Variants in REEP5 observed in about 807,000 individuals in gnomAD.
The protein encoded by REEP5 is receptor expression-enhancing protein 5.
In REEP5, 24 loss-of-function variants were observed where a neutral mutation model predicts 22.4. The ratio of observed to expected loss-of-function variants is 1.07; its 90% CI spans 0.78 to 1.51. The LOEUF (loss-of-function observed/expected upper bound fraction) is 1.51, where lower values mean the gene tolerates loss of function less well. Ranked by LOEUF, REEP5 falls within the 40% of genes most tolerant of loss-of-function variation. REEP5 has a pLI of 0.00. For synonymous variants in REEP5, 103 were observed against 88.6 expected (o/e 1.16, Z -0.92); for missense variants, 252 against 233.0 (o/e 1.08, Z -0.53).
intron 2 of REEP5, among the ~76,000 whole-genome samples, chr5:112,908,672 C>CCCACGACAGCGCCCACGA (rs367700588): frequency 4.1e-4 from 62 of 151,964 alleles, no homozygotes; most frequent in African/African-American, 9.7e-4. Context: ...ACTACAGGTG[C>CCCACGACAGCGCCCACGA]CCACGACAGC....
chr5:112,885,769 G>C (rs578183603), intron 4 of REEP5: 138 of 259,958 alleles, frequency 5.3e-4, no homozygotes, highest in African/African-American at 3.0e-3. Flanking sequence ...CTACATATAT[G>C]CCAAGCCCGT....
chr5:112,909,696 C>G (rs1391415458), intron 2 of REEP5, among the ~76,000 whole-genome samples: 2 of 152,192 alleles, frequency 1.3e-5, no homozygotes, highest in African/African-American at 4.8e-5. Flanking sequence ...CTGGCCATCC[C>G]TCATCCAGTA....
intron 2 of REEP5, 66 bp from the exon 3 acceptor site, chr5:112,902,584 C>G: frequency 7.0e-7 from 1 of 1,422,158 alleles, no homozygotes; most frequent in Non-Finnish European, 9.5e-7. Context: ...TTCAAATACA[C>G]TTTCATAACC....
At chr5:112,883,633 T>C (rs1768143343) in intron 4 of REEP5, among the ~76,000 whole-genome samples, 1 of 152,216 alleles carries the variant, frequency 6.6e-6, no homozygotes, top group Non-Finnish European at 1.5e-5. Flanking sequence ...ATGTATAAGC[T>C]TGTGGCCCCC....
intron 3 of REEP5, chr5:112,892,738 G>T (rs560977214): frequency 1.9e-6 from 3 of 1,614,028 alleles, no homozygotes; most frequent in South Asian, 2.2e-5. Flanking sequence ...CAAGAACTCC[G>T]AGAGGAGGGA....
chr5:112,881,128 CAAAAAAAAAAA>C (rs58737941), intron 4 of REEP5, among the ~76,000 whole-genome samples: 2 of 67,204 alleles, frequency 3.0e-5, no homozygotes, highest in African/African-American at 6.1e-5. Flanking sequence ...GACTCTGTTT[CAAAAAAAAAAA>C]AAAAAAAAAA....
At chr5:112,904,824 G>A (rs1016665908) in intron 2 of REEP5, among the ~76,000 whole-genome samples, 6 of 151,852 alleles carry the variant, frequency 4.0e-5, no homozygotes, top group African/African-American at 1.4e-4. Context: ...AGCTCTTCTA[G>A]GAAAAAAAAA....
At chr5:112,916,464 C>A (rs934445222) in intron 2 of REEP5, among the ~76,000 whole-genome samples, 2 of 152,136 alleles carry the variant, frequency 1.3e-5, no homozygotes, top group African/African-American at 4.8e-5. Context: ...TAAGTCAAAG[C>A]TACATAACAG....
intron 4 of REEP5, among the ~76,000 whole-genome samples, chr5:112,881,101 C>T (rs1768061097): frequency 8.0e-6 from 1 of 125,268 alleles, no homozygotes; most frequent in Non-Finnish European, 1.6e-5. Context: ...TGCACTCCAG[C>T]CTGGGCAACA....
intron 2 of REEP5, among the ~76,000 whole-genome samples, chr5:112,915,770 T>C (rs577833811): frequency 6.6e-6 from 1 of 151,418 alleles, no homozygotes; most frequent in South Asian, 2.1e-4. Context: ...ACAAAGCACA[T>C]ATAGATCCAG....
intron 2 of REEP5, among the ~76,000 whole-genome samples, chr5:112,910,235 G>A (rs1057171606): frequency 2.6e-5 from 4 of 152,174 alleles, no homozygotes; most frequent in African/African-American, 9.7e-5. Flanking sequence ...CCCGGGAGGT[G>A]GAGCTGCAGT....
chr5:112,892,316 C>T lies in REEP5; in HGVS notation c.352-5133G>A, dbSNP rs759302583. 7.4e-6 allele frequency: 12 copies of T among 1,614,002 alleles called. No homozygotes were observed. The African/African-American group carries it at 1.5e-4, about 20-fold the overall frequency. ...CAGTGCAGGAGGGATGACTATGACC[C>T]TGACGCAAGCCTGGAGTACAGCGAG... On this transcript the variant is annotated intron_variant, in intron 3 of 4. Coordinates refer to ENST00000379638, the MANE Select transcript of REEP5 (RefSeq NM_005669.5).
At chr5:112,910,792 G>A (rs1769086444) in intron 2 of REEP5, among the ~76,000 whole-genome samples, 1 of 152,150 alleles carries the variant, frequency 6.6e-6, no homozygotes, top group Non-Finnish European at 1.5e-5. Context: ...AGCAGACACT[G>A]TTCCTTGCCT....
At chr5:112,916,056 C>A (rs1363420968) in intron 2 of REEP5, among the ~76,000 whole-genome samples, 1 of 152,180 alleles carries the variant, frequency 6.6e-6, no homozygotes, top group African/African-American at 2.4e-5. Context: ...CGGTGACTTT[C>A]TCAAAGTCTC....
chr5:112,897,161 A>G (rs1446113135), intron 3 of REEP5: 3 of 152,132 alleles, frequency 2.0e-5, no homozygotes, highest in African/African-American at 7.2e-5. Context: ...AGAATTATAT[A>G]TCATATGTGA....
At position 112,902,383 on chromosome 5, in the gene REEP5, C is replaced by G. The variant is rs757144463; in HGVS notation, c.348G>C (p.Leu116=). ...FLSWFPFYYM[L]KCGFLLWCMA... ...AGTGGTAGCAAGACCAACATACCTT[C>G]AGCATGTAGTAGAAGGGGAACCATG... Residue 116 remains leucine, a synonymous_variant, in exon 3 of 5, where the codon CTG becomes CTC. Coordinates refer to ENST00000379638, the MANE Select transcript of REEP5 (RefSeq NM_005669.5). 24 of 1,608,922 alleles carry G rather than the reference C, an allele frequency of 1.5e-5. No individual in the cohort carries two copies. The highest frequency in any genetic ancestry group is 1.9e-5 in the Non-Finnish European group (22 of 1,178,274).
intron 2 of REEP5, among the ~76,000 whole-genome samples, chr5:112,904,899 A>T (rs115345053): frequency 0.018 from 2,779 of 152,296 alleles, 45 homozygotes; most frequent in Non-Finnish European, 0.029. Flanking sequence ...CTAGAACACT[A>T]TATAGTAACA....
rs778248347 is a variant in REEP5, at chr5:112,887,010, C to CT, written c.520+4dup. On this transcript the variant is annotated splice_donor_region_variant and intron_variant, in intron 4 of 4. Coordinates refer to ENST00000379638, the MANE Select transcript of REEP5 (RefSeq NM_005669.5). The stretch of plus-strand genomic sequence containing the variant: ...ATGTGGGGCCATCTTGTTCCTGAGT[C>CT]TTACCTTCTTTAGTGATGGCATCTG... 1 of 1,594,878 alleles carries CT rather than the reference C, an allele frequency of 6.3e-7. No homozygotes were observed. Among genetic ancestry groups the CT allele is most frequent in the Non-Finnish European group, 8.6e-7 (1 of 1,165,150 alleles).
chr5:112,890,977 TAAC>T (rs1768424377), intron 3 of REEP5, among the ~76,000 whole-genome samples: 1 of 150,914 alleles, frequency 6.6e-6, no homozygotes, highest in Non-Finnish European at 1.5e-5. Flanking sequence ...CTGTGTTTTC[TAAC>T]AACATCTATG....
Sources: gnomAD v4.1 joint callset for allele counts (sites outside exome capture counted in the v4.1 genomes callset) on GRCh38, gnomAD v4.1.1 for gene constraint, MANE v1.5 for transcripts, NCBI Gene and HGNC (gene_info 2026-07-23, HGNC 2026-07-21) for gene names.